ATP10B: variants seen among roughly 807,000 people sequenced by gnomAD.
ATP10B encodes the protein phospholipid-transporting ATPase VB.
ATP10B carries 122 observed loss-of-function variants against 141.2 expected under a neutral mutation model. That is an observed-to-expected ratio of 0.86 (90% CI 0.75 to 1.00). The LOEUF (loss-of-function observed/expected upper bound fraction) is 1.00. ATP10B is among the 50% of genes least tolerant of loss of function. The probability of loss-of-function intolerance (pLI) is 0.00; values close to 1 mark genes in which losing one functional copy is unlikely to be tolerated. For synonymous variants in ATP10B, 685 were observed against 692.0 expected (o/e 0.99, Z 0.16); for missense variants, 1,876 against 1,825.3 (o/e 1.03, Z -0.51).
At chr5:160,744,857 G>A (rs538965366) in intron 2 of ATP10B, among the ~76,000 whole-genome samples, 2 of 152,210 alleles carry the variant, frequency 1.3e-5, no homozygotes, top group Admixed American at 6.5e-5. Context: ...TGTGAGACAC[G>A]AATTCTGCTG....
chr5:160,658,090 A>AT (rs1172427025), intron 7 of ATP10B, among the ~76,000 whole-genome samples: 1 of 152,252 alleles, frequency 6.6e-6, no homozygotes, highest in Admixed American at 6.5e-5. Context: ...TCAAGAAACT[A>AT]TATTAAGTTG....
intron 24 of ATP10B, among the ~76,000 whole-genome samples, chr5:160,584,859 C>A (rs1581153043): frequency 1.3e-5 from 2 of 152,222 alleles, no homozygotes; most frequent in South Asian, 4.1e-4. Flanking sequence ...GTTTTATTTT[C>A]TCCTTCAGGT....
the ATP10B span, among the ~76,000 whole-genome samples, chr5:160,908,588 T>C: frequency 6.6e-6 from 1 of 152,130 alleles, no homozygotes; most frequent in Non-Finnish European, 1.5e-5. Flanking sequence ...AGATATCTCA[T>C]CTCCAAGAGG....
intron 15 of ATP10B, among the ~76,000 whole-genome samples, chr5:160,620,072 G>T (rs1389421399): frequency 6.6e-6 from 1 of 152,224 alleles, no homozygotes; most frequent in East Asian, 1.9e-4. Context: ...GTTTAAATGA[G>T]TTTGGAAAAC....
intron 8 of ATP10B, among the ~76,000 whole-genome samples, chr5:160,645,768 A>C (rs1304014658): frequency 1.3e-5 from 2 of 152,204 alleles, no homozygotes; most frequent in Non-Finnish European, 2.9e-5. Context: ...CTCTTTTTTA[A>C]ACGTGTTGTT....
At chr5:160,889,961 T>C in the ATP10B span, among the ~76,000 whole-genome samples, 1 of 152,282 alleles carries the variant, frequency 6.6e-6, no homozygotes, top group East Asian at 1.9e-4. Context: ...TCTTGATCCC[T>C]CTCCTCCTCC....
At chr5:160,623,817 C>G (rs1758479005) in intron 13 of ATP10B, among the ~76,000 whole-genome samples, 1 of 152,182 alleles carries the variant, frequency 6.6e-6, no homozygotes, top group Non-Finnish European at 1.5e-5. Flanking sequence ...CTGGTTTTGT[C>G]TATCTCCCTG....
At chr5:160,723,143 G>C (rs1172851388) in intron 2 of ATP10B, among the ~76,000 whole-genome samples, 3 of 152,182 alleles carry the variant, frequency 2.0e-5, no homozygotes, top group Non-Finnish European at 4.4e-5. Context: ...CAGTGCCTAT[G>C]TCAAGAGAGA....
chr5:160,832,400 T>C (rs1342168483), intron 1 of ATP10B, among the ~76,000 whole-genome samples: 1 of 152,172 alleles, frequency 6.6e-6, no homozygotes, highest in Non-Finnish European at 1.5e-5. Flanking sequence ...GGTAGTTTTA[T>C]ATGTACTAAT....
At chr5:160,840,767 C>A (rs1775764421) in intron 1 of ATP10B, among the ~76,000 whole-genome samples, 1 of 151,994 alleles carries the variant, frequency 6.6e-6, no homozygotes, top group Non-Finnish European at 1.5e-5. Context: ...GAAAAATTAT[C>A]ATTCTATAGC....
the ATP10B span, among the ~76,000 whole-genome samples, chr5:160,904,814 T>C: frequency 1.9e-4 from 29 of 152,266 alleles, no homozygotes; most frequent in Non-Finnish European, 3.1e-4. Flanking sequence ...ATGCTTCCCA[T>C]AGATGCCAGC....
the ATP10B span, among the ~76,000 whole-genome samples, chr5:160,874,158 G>T: frequency 6.6e-6 from 1 of 152,120 alleles, no homozygotes; most frequent in African/African-American, 2.4e-5. Flanking sequence ...GAAGAGAGCA[G>T]TGGTTCTCCC....
chr5:160,699,544 T>C (rs1764560869), intron 3 of ATP10B, among the ~76,000 whole-genome samples: 1 of 152,190 alleles, frequency 6.6e-6, no homozygotes, highest in Non-Finnish European at 1.5e-5. Context: ...GGGGCAGGCA[T>C]GGAGCAAGAT....
the ATP10B span, among the ~76,000 whole-genome samples, chr5:160,889,395 A>C: frequency 0.012 from 1,900 of 152,306 alleles, 41 homozygotes; most frequent in African/African-American, 0.044. Context: ...GCAGTGGACC[A>C]TGTGTAGTAA....
intron 3 of ATP10B, among the ~76,000 whole-genome samples, chr5:160,701,667 A>G (rs535810547): frequency 1.3e-5 from 2 of 152,014 alleles, no homozygotes; most frequent in African/African-American, 4.8e-5. Flanking sequence ...GGGAGCAGTT[A>G]CTCATCTATC....
chr5:160,675,333 G>A (rs1762957400), intron 6 of ATP10B, among the ~76,000 whole-genome samples: 1 of 152,168 alleles, frequency 6.6e-6, no homozygotes, highest in Admixed American at 6.5e-5. Context: ...GGCTCCATCT[G>A]GCAGATTCTG....
chr5:160,904,607 A>AT, the ATP10B span, among the ~76,000 whole-genome samples: 24 of 152,332 alleles, frequency 1.6e-4, no homozygotes, highest in African/African-American at 5.8e-4. Flanking sequence ...CAAAATATAT[A>AT]TTTTGCCAAC....
chr5:160,566,117 T>C (rs573599125), intron 25 of ATP10B, among the ~76,000 whole-genome samples: 2 of 152,322 alleles, frequency 1.3e-5, no homozygotes, highest in African/African-American at 2.4e-5. Context: ...CCAGGACTAT[T>C]CTAAGTGCTT....
chr5:160,672,468 C>T (rs982599136), intron 6 of ATP10B, among the ~76,000 whole-genome samples: 8 of 152,138 alleles, frequency 5.3e-5, no homozygotes, highest in African/African-American at 1.9e-4. Context: ...TTCCAGGTGC[C>T]CTCAATTATT....
Sources: allele counts gnomAD v4.1 joint callset (sites outside exome capture counted in the v4.1 genomes callset), GRCh38; gene constraint gnomAD v4.1.1; transcripts MANE v1.5; gene names NCBI Gene and HGNC (gene_info 2026-07-23, HGNC 2026-07-21).